EI24: variants seen among roughly 807,000 people sequenced by gnomAD.
EI24 encodes EI24 autophagy associated transmembrane protein.
EI24 carries 21 observed loss-of-function variants against 48.6 expected under a neutral mutation model. The ratio of observed to expected loss-of-function variants is 0.43; its 90% CI spans 0.31 to 0.62. The LOEUF (loss-of-function observed/expected upper bound fraction) is 0.62, where lower values mean the gene tolerates loss of function less well. EI24 is among the 20% of genes least tolerant of loss of function. The pLI is 0.10. For synonymous variants in EI24, 114 were observed against 145.5 expected (o/e 0.78, Z 1.56); for missense variants, 280 against 410.5 (o/e 0.68, Z 2.75).
intron 2 of EI24, 89 bp from the exon 3 acceptor site, chr11:125,575,174 C>A: frequency 8.2e-7 from 1 of 1,218,478 alleles, no homozygotes. Context: ...CTGCAGTGAG[C>A]TATGATTGAG....
intron 6 of EI24, 123 bp downstream of exon 6, chr11:125,578,380 G>A (rs1296365082): frequency 7.3e-6 from 9 of 1,224,554 alleles, no homozygotes; most frequent in Non-Finnish European, 1.0e-5. Flanking sequence ...ATGTTTCTTG[G>A]CCAGGTAGCC....
intron 7 of EI24, among the ~76,000 whole-genome samples, chr11:125,579,806 A>G (rs544743956): frequency 6.6e-6 from 1 of 152,230 alleles, no homozygotes; most frequent in Admixed American, 6.5e-5. Context: ...AGCTGGGACT[A>G]CAGGCACATG....
In EI24 at chr11:125,572,725, A is replaced by G. The variant is rs7101969; in HGVS notation, c.42+156A>G. Among the ~76,000 whole-genome samples, 26,938 of 151,894 alleles carry G rather than the reference A, an allele frequency of 0.18. 2,488 individuals carry two copies. Among genetic ancestry groups the G allele is most frequent in the East Asian group, 0.3 (1,522 of 5,134 alleles). The stretch of plus-strand genomic sequence containing the variant: ...TATTCTAGACCACACTACTCAAGAA[A>G]TAGGTATTGTTCTACATCTTGCAGA... On this transcript the variant is annotated intron_variant, in intron 2 of 10. Coordinates refer to ENST00000278903, the MANE Select transcript of EI24 (RefSeq NM_004879.5).
intron 2 of EI24, among the ~76,000 whole-genome samples, chr11:125,572,834 T>C (rs1938582717): frequency 1.3e-5 from 2 of 151,604 alleles, no homozygotes; most frequent in Admixed American, 1.3e-4. Context: ...GAGCTTTTTT[T>C]TTTTTTTTTT....
chr11:125,577,186 G>A (rs1938783146), intron 4 of EI24, among the ~76,000 whole-genome samples: 1 of 152,132 alleles, frequency 6.6e-6, no homozygotes, highest in Admixed American at 6.6e-5. Context: ...CTGCCTCCCG[G>A]GTTCAAGCGA....
intron 2 of EI24, among the ~76,000 whole-genome samples, chr11:125,574,054 A>ATGG (rs1385334281): frequency 2.0e-5 from 3 of 151,894 alleles, no homozygotes; most frequent in Non-Finnish European, 4.4e-5. Flanking sequence ...CAACCCTCCC[A>ATGG]GCCTGGCTAA....
Position 125,576,126 on chromosome 11 carries a change from C to T in EI24, c.189-129C>T. The T allele has an allele frequency of 3.4e-6, 3 of 885,036 alleles. 1 individual carries two copies. In the Middle Eastern group the frequency reaches 6.7e-4, roughly 198 times the overall value. The allele number at this position is 885,036 out of a possible 1,614,324, so 54.8% of individuals were successfully genotyped here. ...CTTTTCTCATTGACTGACATTAGAA[C>T]ATTGGGAGAACATGAGGCACTGAAA... is the stretch of plus-strand genomic sequence containing the variant. On this transcript the variant is annotated intron_variant, in intron 3 of 10. Transcript: ENST00000278903.
At chr11:125,572,224 A>G (rs2135847896) in intron 1 of EI24, among the ~76,000 whole-genome samples, 1 of 152,286 alleles carries the variant, frequency 6.6e-6, no homozygotes, top group East Asian at 1.9e-4. Flanking sequence ...GAGAGGGTGT[A>G]AAATGTAAAA....
In EI24 at chr11:125,577,384, C is replaced by T. The variant is rs555891216; in HGVS notation, c.250-120C>T. 8.1e-4 allele frequency: 799 copies of T among 982,458 alleles called. 1 individual carries two copies. Among genetic ancestry groups the T allele is most frequent in the Non-Finnish European group, 1.1e-3 (722 of 649,078 alleles). The allele number at this position is 982,458 out of a possible 1,614,324, so 60.9% of individuals were successfully genotyped here. A position where few individuals can be genotyped will look rare whatever the true frequency, so the allele number is the denominator to read the frequency against. ...ACCACCGCGCATGAGCCACCGCGCC[C>T]GGCCTAGGCCTCCTGATTTATAAAA... On this transcript the variant is annotated intron_variant, in intron 4 of 10. Coordinates refer to ENST00000278903, the MANE Select transcript of EI24 (RefSeq NM_004879.5).
Position 125,580,087 on chromosome 11 carries a change from C to T in EI24, c.562-6C>T. On this transcript the variant is annotated splice_region_variant and splice_polypyrimidine_tract_variant and intron_variant, in intron 7 of 10. Transcript: ENST00000278903. Reference sequence around the variant, plus strand: ...GGGATTAAGATTTTCCATATTTGTTCTTCAGGGAATGTTTGTGAGTCTCTT... The same window carrying T: ...GGGATTAAGATTTTCCATATTTGTTTTTCAGGGAATGTTTGTGAGTCTCTT... 1 of 1,607,328 alleles carries T rather than the reference C, an allele frequency of 6.2e-7. No individual in the cohort carries two copies. The highest frequency in any genetic ancestry group is 8.5e-7 in the Non-Finnish European group (1 of 1,173,838).
At chr11:125,576,999 A>G (rs1260761165) in intron 4 of EI24, among the ~76,000 whole-genome samples, 2 of 152,198 alleles carry the variant, frequency 1.3e-5, no homozygotes, top group Admixed American at 6.5e-5. Flanking sequence ...TTTATAGGCA[A>G]TATCAAGTTT....
chr11:125,581,584 T>A (rs1939000608), intron 9 of EI24, among the ~76,000 whole-genome samples: 1 of 140,342 alleles, frequency 7.1e-6, no homozygotes, highest in African/African-American at 2.7e-5. Flanking sequence ...TCTCACTCTG[T>A]CGCCCAGGCT....
chr11:125,571,005 A>T (rs941958467), intron 1 of EI24, among the ~76,000 whole-genome samples: 2 of 152,202 alleles, frequency 1.3e-5, no homozygotes, highest in Non-Finnish European at 2.9e-5. Context: ...CTTCTATCCG[A>T]AGTGAGCCTA....
At chr11:125,576,155 A>G in intron 3 of EI24, 100 bp from the exon 4 acceptor site, 1 of 1,163,946 alleles carries the variant, frequency 8.6e-7, no homozygotes, top group South Asian at 1.4e-5. Context: ...ACTGAAAAAT[A>G]ATACAGTACC....
chr11:125,582,034 C>T (rs1471070614), intron 9 of EI24, among the ~76,000 whole-genome samples: 1 of 151,796 alleles, frequency 6.6e-6, no homozygotes, highest in Non-Finnish European at 1.5e-5. Context: ...CCCATCTCTA[C>T]TGAAAATACA....
chr11:125,573,461 TG>T, intron 2 of EI24: 1 of 278,434 alleles, frequency 3.6e-6, no homozygotes, highest in Non-Finnish European at 7.5e-6. Flanking sequence ...GTTACCTTTA[TG>T]GCCAGGGGAG....
intron 6 of EI24, among the ~76,000 whole-genome samples, chr11:125,578,463 T>C (rs1938841450): frequency 6.6e-6 from 1 of 151,538 alleles, no homozygotes; most frequent in Non-Finnish European, 1.5e-5. Flanking sequence ...TCTGGTGCCT[T>C]TTCTTTTTCG....
At chr11:125,578,480 CTTT>C (rs370986926) in intron 6 of EI24, among the ~76,000 whole-genome samples, 22 of 84,688 alleles carry the variant, frequency 2.6e-4, no homozygotes, top group African/African-American at 6.2e-4. Flanking sequence ...TTCGTTTTGG[CTTT>C]TTTTTTTTTT....
chr11:125,582,476 C>A (rs1939054022), intron 10 of EI24, 56 bp downstream of exon 10: 1 of 1,301,840 alleles, frequency 7.7e-7, no homozygotes. Flanking sequence ...GGCTGTAACA[C>A]CAGTTATGTC....
Sources: gnomAD v4.1 joint callset for allele counts (sites outside exome capture counted in the v4.1 genomes callset) on GRCh38, gnomAD v4.1.1 for gene constraint, MANE v1.5 for transcripts, NCBI Gene and HGNC (gene_info 2026-07-23, HGNC 2026-07-21) for gene names.